FILIP1L: variants seen among roughly 807,000 people sequenced by gnomAD.
The protein encoded by FILIP1L is filamin A-interacting protein 1-like.
Under a neutral mutation model 96.6 loss-of-function variants are expected in FILIP1L, and 55 were observed. The observed-to-expected ratio is 0.57, with a 90% CI of 0.46 to 0.71. The LOEUF (loss-of-function observed/expected upper bound fraction) is 0.71, where lower values mean the gene tolerates loss of function less well. FILIP1L is among the 30% of genes least tolerant of loss of function. The probability of loss-of-function intolerance (pLI) is 0.00; values close to 1 mark genes in which losing one functional copy is unlikely to be tolerated. For synonymous variants in FILIP1L, 467 were observed against 473.9 expected, an observed-to-expected ratio of 0.99 and a Z score of 0.19; for missense variants, 1,304 against 1,321.2, an observed-to-expected ratio of 0.99 and a Z score of 0.20.
At chr3:99,887,570 G>T (rs948205131) in intron 4 of FILIP1L, among the ~76,000 whole-genome samples, 3 of 152,226 alleles carry the variant, frequency 2.0e-5, no homozygotes, top group Non-Finnish European at 4.4e-5. Flanking sequence ...GTTACAGACA[G>T]TCGGGTGCCA....
intron 1 of FILIP1L, among the ~76,000 whole-genome samples, chr3:100,068,709 C>G (rs145762356): frequency 6.6e-6 from 1 of 152,298 alleles, no homozygotes; most frequent in African/African-American, 2.4e-5. Context: ...CTTACTGCAA[C>G]CTCTATCTCC....
intron 1 of FILIP1L, among the ~76,000 whole-genome samples, chr3:100,000,729 A>G (rs982801210): frequency 4.6e-5 from 7 of 152,316 alleles, no homozygotes; most frequent in African/African-American, 1.7e-4. Context: ...AAAAATTAAT[A>G]AAAATTCTAA....
intron 1 of FILIP1L, among the ~76,000 whole-genome samples, chr3:99,967,569 C>T (rs1311606892): frequency 6.6e-6 from 1 of 152,162 alleles, no homozygotes; most frequent in East Asian, 1.9e-4. Context: ...AGTCCCTACA[C>T]CTGGATGGGA....
rs572881527 is a variant in FILIP1L at position 99,976,426 on chromosome 3, G to A, written c.-10-45396C>T. On this transcript the variant is annotated intron_variant, in intron 1 of 5. Coordinates refer to ENST00000477258, the MANE Select transcript of FILIP1L (RefSeq NM_001387850.1). ...TCCAAAAGAAATTCATAGATATCATGAACTTAGAAACAGTAACCCCCCAAG... is the reference window on the plus strand; with the variant it reads ...TCCAAAAGAAATTCATAGATATCATAAACTTAGAAACAGTAACCCCCCAAG... Among the ~76,000 whole-genome samples the A allele has an allele frequency of 6.6e-5, 10 of 152,276 alleles. No homozygotes were observed. The South Asian group carries it at 2.1e-3, about 32-fold the overall frequency.
intron 1 of FILIP1L, among the ~76,000 whole-genome samples, chr3:99,938,084 C>CGT: frequency 6.6e-6 from 1 of 151,616 alleles, no homozygotes; most frequent in Middle Eastern, 3.4e-3. Flanking sequence ...TGCGCGCGCG[C>CGT]GCGCGCGTGC....
chr3:99,964,865 A>C (rs1306854512), intron 1 of FILIP1L, among the ~76,000 whole-genome samples: 1 of 152,134 alleles, frequency 6.6e-6, no homozygotes, highest in Non-Finnish European at 1.5e-5. Flanking sequence ...CTCTTTCCTA[A>C]GTTAATATTA....
chr3:100,075,368 A>G (rs1248805571), intron 1 of FILIP1L, among the ~76,000 whole-genome samples: 2 of 152,334 alleles, frequency 1.3e-5, no homozygotes, highest in Non-Finnish European at 2.9e-5. Flanking sequence ...CCTTTACCCT[A>G]CAGGAGAGAA....
At chr3:99,918,644 CATCTGTTGAAAGTTAAGTCATGATGG>C (rs1309022191) in intron 4 of FILIP1L, among the ~76,000 whole-genome samples, 76 of 152,264 alleles carry the variant, frequency 5.0e-4, no homozygotes, top group African/African-American at 1.8e-3. Context: ...GGTTTTATGA[CATCTGTTGAAAGTTAAGTCATGATGG>C]ACGGTCCTAA....
At chr3:100,031,535 C>G (rs913822470) in intron 1 of FILIP1L, among the ~76,000 whole-genome samples, 4 of 152,004 alleles carry the variant, frequency 2.6e-5, no homozygotes, top group African/African-American at 9.7e-5. Flanking sequence ...CGTTACAGAA[C>G]TAGAAAAGTA....
intron 5 of FILIP1L, among the ~76,000 whole-genome samples, chr3:99,838,396 C>T (rs1576498065): frequency 2.0e-5 from 3 of 152,110 alleles, no homozygotes; most frequent in South Asian, 2.1e-4. Context: ...TCAGAAGAGG[C>T]GAGCATTGAT....
chr3:99,934,523 A>G (rs1485620226), intron 1 of FILIP1L, among the ~76,000 whole-genome samples: 2 of 152,194 alleles, frequency 1.3e-5, no homozygotes, highest in East Asian at 1.9e-4. Flanking sequence ...ATCAACTTGT[A>G]TCCTGCTGCT....
chr3:99,869,270 C>G (rs1225883541), intron 4 of FILIP1L, among the ~76,000 whole-genome samples: 3 of 152,144 alleles, frequency 2.0e-5, no homozygotes, highest in African/African-American at 7.2e-5. Context: ...TTCTTTGCAT[C>G]TGTGTTCAGC....
chr3:99,869,180 GAGA>G (rs1944663047), intron 4 of FILIP1L, among the ~76,000 whole-genome samples: 1 of 152,204 alleles, frequency 6.6e-6, no homozygotes, highest in Non-Finnish European at 1.5e-5. Context: ...ATTTAGTGAA[GAGA>G]AGAATTCACT....
intron 1 of FILIP1L, among the ~76,000 whole-genome samples, chr3:100,050,075 T>G (rs1291664590): frequency 3.3e-5 from 5 of 152,210 alleles, no homozygotes; most frequent in Admixed American, 1.3e-4. Flanking sequence ...GAACATGCTT[T>G]TTTAATCACA....
chr3:100,095,564 A>G (rs948417886), intron 1 of FILIP1L, among the ~76,000 whole-genome samples: 1 of 152,184 alleles, frequency 6.6e-6, no homozygotes, highest in Non-Finnish European at 1.5e-5. Flanking sequence ...CTGGACATTT[A>G]TGTGCAGAAG....
Position 99,843,495 on chromosome 3 carries a change from A to G in FILIP1L, c.3381+4800T>C, listed in dbSNP as rs148498677. On this transcript the variant is annotated intron_variant, in intron 5 of 5. Coordinates refer to ENST00000477258, the MANE Select transcript of FILIP1L (RefSeq NM_001387850.1). ...TAATTTAAAGAGAGGGACTATGGTC[A>G]GAATACATTTGCCAGTGCTTGTCAA... Among the ~76,000 whole-genome samples the G allele has an allele frequency of 4.8e-3, 724 of 152,356 alleles. 18 individuals are homozygous for G. Among genetic ancestry groups the G allele is most frequent in the Admixed American group, 0.043 (655 of 15,298 alleles).
chr3:100,001,619 C>T (rs1025115853), intron 1 of FILIP1L, among the ~76,000 whole-genome samples: 2 of 152,118 alleles, frequency 1.3e-5, no homozygotes, highest in Non-Finnish European at 2.9e-5. Context: ...GAGACATGTT[C>T]CATCTAGTTG....
At chr3:99,883,718 T>C (rs1705804554) in intron 4 of FILIP1L, among the ~76,000 whole-genome samples, 1 of 152,220 alleles carries the variant, frequency 6.6e-6, no homozygotes, top group African/African-American at 2.4e-5. Flanking sequence ...TTCATTGTTA[T>C]AATAATAACA....
chr3:100,078,078 TA>T (rs538006223), intron 1 of FILIP1L, among the ~76,000 whole-genome samples: 6,832 of 145,520 alleles, frequency 0.047, 178 homozygotes, highest in African/African-American at 0.066. Flanking sequence ...GGGCTTGCTT[TA>T]AAAAAAAAAA....
Sources: gnomAD v4.1 joint callset for allele counts (sites outside exome capture counted in the v4.1 genomes callset) on GRCh38, gnomAD v4.1.1 for gene constraint, MANE v1.5 for transcripts, NCBI Gene and HGNC (gene_info 2026-07-23, HGNC 2026-07-21) for gene names.